Variants in AKR1C8 observed in about 807,000 individuals in gnomAD.
The protein encoded by AKR1C8 is aldo-keto reductase family 1 member C-like protein 1.
chr10:5,128,916 A>T, the AKR1C8 span, among the ~76,000 whole-genome samples: 1 of 152,106 alleles, frequency 6.6e-6, no homozygotes. Flanking sequence ...GATTTAACAT[A>T]CTATAGAAAA....
At chr10:5,155,803 G>A in the AKR1C8 span, 12 of 450,032 alleles carry the variant, frequency 2.7e-5, no homozygotes, top group East Asian at 7.5e-5. Flanking sequence ...CAGGGCAGCA[G>A]CTTCTACATG....
chr10:5,127,194 G>T, the AKR1C8 span, among the ~76,000 whole-genome samples: 1 of 151,422 alleles, frequency 6.6e-6, no homozygotes, highest in East Asian at 1.9e-4. Context: ...ATCACAGAAA[G>T]GTGAAAAACA....
the AKR1C8 span, among the ~76,000 whole-genome samples, chr10:5,147,120 C>T: frequency 5.3e-5 from 8 of 152,062 alleles, no homozygotes; most frequent in Non-Finnish European, 7.4e-5. Context: ...AGTTAGCATG[C>T]GCTGACGTCA....
the AKR1C8 span, among the ~76,000 whole-genome samples, chr10:5,180,566 C>T: frequency 0.54 from 82,265 of 151,962 alleles, 23,170 homozygotes; most frequent in Non-Finnish European, 0.6. Context: ...TTTGTCTGTG[C>T]CCTGCCCCCA....
At chr10:5,182,930 T>A in the AKR1C8 span, among the ~76,000 whole-genome samples, 1 of 152,098 alleles carries the variant, frequency 6.6e-6, no homozygotes, top group Middle Eastern at 3.4e-3. Flanking sequence ...AAATTATTCT[T>A]ACTATTCTTT....
the AKR1C8 span, among the ~76,000 whole-genome samples, chr10:5,131,943 G>A: frequency 0.39 from 59,198 of 151,612 alleles, 12,298 homozygotes; most frequent in Non-Finnish European, 0.43. Flanking sequence ...CTAAGAGTCC[G>A]TTGACCAATG....
chr10:5,182,921 A>T, the AKR1C8 span, among the ~76,000 whole-genome samples: 1 of 152,046 alleles, frequency 6.6e-6, no homozygotes, highest in Non-Finnish European at 1.5e-5. Context: ...AAAAAAAAAA[A>T]ATTATTCTTA....
chr10:5,136,374 C>T, the AKR1C8 span, among the ~76,000 whole-genome samples: 33 of 152,106 alleles, frequency 2.2e-4, no homozygotes, highest in Non-Finnish European at 3.8e-4. Flanking sequence ...ATGACGAAAC[C>T]TCGTCTCTAC....
chr10:5,171,681 G>C, the AKR1C8 span, among the ~76,000 whole-genome samples: 1 of 151,920 alleles, frequency 6.6e-6, no homozygotes, highest in African/African-American at 2.4e-5. Flanking sequence ...TAAAGAGCAG[G>C]TTAGTGCTTT....
At chr10:5,123,477 G>A in the AKR1C8 span, 47 of 475,412 alleles carry the variant, frequency 9.9e-5, no homozygotes, top group Non-Finnish European at 1.6e-4. Flanking sequence ...CCCTGAGGCT[G>A]GATTCAGTTT....
chr10:5,156,120 C>T, the AKR1C8 span, among the ~76,000 whole-genome samples: 1 of 152,140 alleles, frequency 6.6e-6, no homozygotes, highest in Non-Finnish European at 1.5e-5. Flanking sequence ...CACACTTGGT[C>T]AGGGATTTGT....
chr10:5,150,010 A>G, the AKR1C8 span, among the ~76,000 whole-genome samples: 2,417 of 152,276 alleles, frequency 0.016, 69 homozygotes, highest in African/African-American at 0.055. Flanking sequence ...CAGTAATTTA[A>G]ACAAAATGTC....
the AKR1C8 span, among the ~76,000 whole-genome samples, chr10:5,153,773 C>A: frequency 9.2e-5 from 14 of 152,138 alleles, no homozygotes; most frequent in Non-Finnish European, 1.9e-4. Context: ...AACCTCCCAC[C>A]AGATCCCTCC....
At chr10:5,160,292 T>C in the AKR1C8 span, among the ~76,000 whole-genome samples, 2 of 152,180 alleles carry the variant, frequency 1.3e-5, no homozygotes, top group African/African-American at 2.4e-5. Flanking sequence ...CAATAGTTCC[T>C]TAACAAATTA....
At chr10:5,156,195 C>A in the AKR1C8 span, among the ~76,000 whole-genome samples, 1 of 152,116 alleles carries the variant, frequency 6.6e-6, no homozygotes, top group Non-Finnish European at 1.5e-5. Context: ...ACAGGAAACT[C>A]CCACTCAAGA....
the AKR1C8 span, among the ~76,000 whole-genome samples, chr10:5,144,179 G>C: frequency 6.6e-6 from 1 of 152,134 alleles, no homozygotes; most frequent in Admixed American, 6.6e-5. Flanking sequence ...AGATCAGATA[G>C]TTGTAGATAT....
the AKR1C8 span, chr10:5,160,929 T>C: frequency 4.3e-6 from 2 of 470,230 alleles, no homozygotes; most frequent in Non-Finnish European, 8.8e-6. Flanking sequence ...ACATTTTCTA[T>C]GGAATTCTCC....
the AKR1C8 span, among the ~76,000 whole-genome samples, chr10:5,183,341 A>T: frequency 6.6e-6 from 1 of 152,182 alleles, no homozygotes; most frequent in African/African-American, 2.4e-5. Flanking sequence ...AGCAAAACCA[A>T]GCTCCATACA....
chr10:5,177,588 G>A, the AKR1C8 span, among the ~76,000 whole-genome samples: 26 of 152,100 alleles, frequency 1.7e-4, no homozygotes, highest in Admixed American at 2.6e-4. Context: ...GGTAGAATTC[G>A]GCTGTGAATC....
Sources: gnomAD v4.1 joint callset for allele counts (sites outside exome capture counted in the v4.1 genomes callset) on GRCh38, gnomAD v4.1.1 for gene constraint, MANE v1.5 for transcripts, NCBI Gene and HGNC (gene_info 2026-07-23, HGNC 2026-07-21) for gene names.